The following SPAG16 variants were observed in gnomAD, a reference collection of about 807,000 sequenced individuals.
SPAG16 encodes the protein sperm associated antigen 16, also known as sperm-associated antigen 16 protein.
A neutral mutation model predicts 80.4 loss-of-function variants in SPAG16; 86 were observed. The observed-to-expected ratio is 1.07, with a 90% CI of 0.90 to 1.28. SPAG16 has a LOEUF of 1.28. SPAG16 is among the 50% of genes most tolerant of loss of function. SPAG16 has a pLI of 0.00. For synonymous variants in SPAG16, 294 were observed against 265.9 expected (o/e 1.11, Z -1.03); for missense variants, 870 against 765.3 (o/e 1.14, Z -1.61).
At chr2:213,393,209 T>C (rs1025911905) in intron 9 of SPAG16, among the ~76,000 whole-genome samples, 69 of 151,748 alleles carry the variant, frequency 4.5e-4, no homozygotes, top group African/African-American at 1.5e-3. Context: ...AAAAAAAAAA[T>C]GCTGAGGATT....
chr2:214,163,532 GTA>G (rs1248946878), intron 15 of SPAG16, among the ~76,000 whole-genome samples: 3 of 150,588 alleles, frequency 2.0e-5, no homozygotes, highest in Admixed American at 6.7e-5. Context: ...GTATGTGTAT[GTA>G]TATATGTGTG....
chr2:214,251,741 C>T (rs942250719), intron 15 of SPAG16, among the ~76,000 whole-genome samples: 6 of 152,132 alleles, frequency 3.9e-5, no homozygotes, highest in African/African-American at 1.4e-4. Context: ...TGATTCACTG[C>T]CTCAGACATG....
At chr2:214,222,403 C>T (rs970424718) in intron 15 of SPAG16, among the ~76,000 whole-genome samples, 3 of 152,084 alleles carry the variant, frequency 2.0e-5, no homozygotes, top group Admixed American at 2.0e-4. Flanking sequence ...AGGCGTGAGC[C>T]ACCACTCCCT....
chr2:213,910,039 C>T (rs4608465), intron 11 of SPAG16, among the ~76,000 whole-genome samples: 132,699 of 152,224 alleles, frequency 0.87, 59,218 homozygotes, highest in South Asian at 0.96. Flanking sequence ...CAAAATCATA[C>T]CTTTTACTTA....
chr2:213,339,740 C>A (rs1407804652), intron 5 of SPAG16, among the ~76,000 whole-genome samples: 1 of 152,022 alleles, frequency 6.6e-6, no homozygotes, highest in South Asian at 2.1e-4. Flanking sequence ...CTAGTATATT[C>A]TCTTTAACTT....
chr2:213,972,306 C>G (rs7604964), intron 12 of SPAG16, among the ~76,000 whole-genome samples: 1 of 151,076 alleles, frequency 6.6e-6, no homozygotes, highest in African/African-American at 2.4e-5. Flanking sequence ...TAATATAAAT[C>G]TATAAAAAGA....
intron 10 of SPAG16, among the ~76,000 whole-genome samples, chr2:213,709,015 C>T (rs1297656780): frequency 6.6e-6 from 1 of 152,082 alleles, no homozygotes; most frequent in Non-Finnish European, 1.5e-5. Flanking sequence ...GTATTAGTTC[C>T]TTTGGGGCTC....
chr2:214,305,189 T>C (rs1470564871), intron 15 of SPAG16, among the ~76,000 whole-genome samples: 1 of 152,218 alleles, frequency 6.6e-6, no homozygotes, highest in Non-Finnish European at 1.5e-5. Context: ...GAAAAGTGCC[T>C]GTTCATATCC....
intron 10 of SPAG16, among the ~76,000 whole-genome samples, chr2:213,679,095 C>A (rs561707111): frequency 1.2e-4 from 19 of 152,240 alleles, no homozygotes; most frequent in Admixed American, 1.1e-3. Context: ...GCATGCAAAT[C>A]AGCTCTTAAA....
intron 15 of SPAG16, chr2:214,280,608 A>C (rs1692851587): frequency 8.6e-6 from 2 of 232,998 alleles, no homozygotes; most frequent in South Asian, 1.4e-4. Context: ...CGTCTTTCTG[A>C]AAAATCTTCA....
intron 9 of SPAG16, among the ~76,000 whole-genome samples, chr2:213,413,114 G>T (rs2069071576): frequency 6.6e-6 from 1 of 152,006 alleles, no homozygotes; most frequent in Non-Finnish European, 1.5e-5. Context: ...TACTATAAAT[G>T]AGACTATAAA....
At chr2:213,849,415 C>CAAAAT (rs2074793799) in intron 10 of SPAG16, among the ~76,000 whole-genome samples, 1 of 152,142 alleles carries the variant, frequency 6.6e-6, no homozygotes, top group Non-Finnish European at 1.5e-5. Flanking sequence ...AAAACATGTC[C>CAAAAT]AAACCATAGC....
chr2:214,014,855 T>C (rs972029438), intron 13 of SPAG16, among the ~76,000 whole-genome samples: 5 of 152,164 alleles, frequency 3.3e-5, no homozygotes, highest in African/African-American at 7.2e-5. Context: ...TTCATAAATT[T>C]GGAAAATAAA....
At chr2:213,694,710 C>T (rs2065086993) in intron 10 of SPAG16, among the ~76,000 whole-genome samples, 1 of 149,484 alleles carries the variant, frequency 6.7e-6, no homozygotes, top group Non-Finnish European at 1.5e-5. Flanking sequence ...CCCTTCCTTC[C>T]TTCCTTCCTT....
intron 10 of SPAG16, among the ~76,000 whole-genome samples, chr2:213,765,308 G>T (rs891053553): frequency 6.6e-6 from 1 of 152,164 alleles, no homozygotes; most frequent in African/African-American, 2.4e-5. Flanking sequence ...GTCGGAGGTT[G>T]CAGTGAGCCG....
rs368593052 is a variant in SPAG16 at position 213,624,733 on chromosome 2, A to G, written c.1070+134643A>G. Among the ~76,000 whole-genome samples, 13 of 152,314 alleles carry G rather than the reference A, an allele frequency of 8.5e-5. 1 individual carries two copies. In the South Asian group the frequency reaches 2.7e-3, roughly 32 times the overall value. ...TGAAGCAGATAATAGGAATTCATAC[A>G]CTTCCTCTGTACTTGCTGAATGCAT... On this transcript the variant is annotated intron_variant, in intron 10 of 15. Coordinates refer to ENST00000331683, the MANE Select transcript of SPAG16 (RefSeq NM_024532.5).
chr2:214,382,349 T>C (rs1365002694), intron 15 of SPAG16, among the ~76,000 whole-genome samples: 1 of 152,234 alleles, frequency 6.6e-6, no homozygotes, highest in Non-Finnish European at 1.5e-5. Context: ...AAATGCACAG[T>C]ATCTCTAAAC....
chr2:213,588,839 A>AAAAAAAG (rs2060574489), intron 10 of SPAG16, among the ~76,000 whole-genome samples: 1 of 144,948 alleles, frequency 6.9e-6, no homozygotes, highest in Non-Finnish European at 1.5e-5. Flanking sequence ...AAAAAAAAAA[A>AAAAAAAG]AAAAGACTCC....
chr2:213,712,464 C>G (rs1290925434), intron 10 of SPAG16, among the ~76,000 whole-genome samples: 1 of 152,152 alleles, frequency 6.6e-6, no homozygotes, highest in Non-Finnish European at 1.5e-5. Flanking sequence ...TACCACTGCA[C>G]TTCAAATTAG....
Sources: gnomAD v4.1 joint callset for allele counts (sites outside exome capture counted in the v4.1 genomes callset) on GRCh38, gnomAD v4.1.1 for gene constraint, MANE v1.5 for transcripts, NCBI Gene and HGNC (gene_info 2026-07-23, HGNC 2026-07-21) for gene names.